The following DNAH11 variants were observed in gnomAD, a reference collection of about 807,000 sequenced individuals.
DNAH11 encodes the protein axonemal beta dynein heavy chain 11.
Under a neutral mutation model 526.0 loss-of-function variants are expected in DNAH11, and 442 were observed. The ratio of observed to expected loss-of-function variants is 0.84; its 90% confidence interval spans 0.78 to 0.91. The LOEUF is 0.91. Among genes scored for constraint, DNAH11 ranks in the 40% least tolerant of loss-of-function variants. DNAH11 has a pLI of 0.00. For synonymous variants in DNAH11, 2,461 were observed against 1,935.9 expected (o/e 1.27, Z -7.12); for missense variants, 6,989 against 5,448.7 (o/e 1.28, Z -8.90).
chr7:21,900,820 C>A (rs1424427636), intron 81 of DNAH11, 187 bp from the exon 82 acceptor site: 1 of 838,272 alleles, frequency 1.2e-6, no homozygotes, highest in South Asian at 2.7e-5. Context: ...CAAAGCGGTG[C>A]CTCCGCTGCA....
intron 44 of DNAH11, among the ~76,000 whole-genome samples, chr7:21,724,244 G>A (rs1396052814): frequency 2.0e-5 from 3 of 152,178 alleles, no homozygotes; most frequent in Non-Finnish European, 2.9e-5. Flanking sequence ...CTTTTGTAGG[G>A]TGAAGAAGTA....
At chr7:21,868,737 A>C (rs1038876118) in intron 72 of DNAH11, 127 bp from the exon 73 acceptor site, 60 of 1,219,872 alleles carry the variant, frequency 4.9e-5, no homozygotes, top group Non-Finnish European at 6.6e-5. Context: ...TTTCTTTGGG[A>C]TTCTTCAGGA....
At position 21,597,860 on chromosome 7, in the gene DNAH11, T is replaced by C. The variant is rs1784923026; in HGVS notation, c.2668-1927T>C. Reference sequence around the variant, plus strand: ...TAAGATCTATACTTTTCTCTTTTAGTGCCTACAAAGGGGCCAGGGCAGCTG... The same window carrying C: ...TAAGATCTATACTTTTCTCTTTTAGCGCCTACAAAGGGGCCAGGGCAGCTG... On this transcript the variant is annotated intron_variant, in intron 14 of 81. Coordinates refer to ENST00000409508, the MANE Select transcript of DNAH11 (RefSeq NM_001277115.2). Among the ~76,000 whole-genome samples, 13 of 152,324 alleles carry C rather than the reference T, an allele frequency of 8.5e-5. No homozygotes were observed. In the South Asian group the frequency reaches 2.7e-3, roughly 32 times the overall value.
rs1785086241 is a variant in DNAH11, at chr7:21,725,975, G to C, written c.7431G>C (p.Val2477=). Reference sequence around the variant, plus strand: ...CCCAGTTTACTATGGATCCAGATGTGCCTCTGCAGGTAGGTGTGTGGAACA... The same window carrying C: ...CCCAGTTTACTATGGATCCAGATGTCCCTCTGCAGGTAGGTGTGTGGAACA... The part of the protein sequence containing the change: ...KIAQFTMDPD[V]PLQTVLVHTT... The change falls in exon 45 of 82, where the codon GTG becomes GTC. Residue 2477 remains valine, a synonymous_variant. Coordinates refer to ENST00000409508, the MANE Select transcript of DNAH11 (RefSeq NM_001277115.2). The C allele has an allele frequency of 1.9e-6, 3 of 1,551,398 alleles. No homozygotes were observed. The highest frequency in any genetic ancestry group is 4.9e-5 in the East Asian group (2 of 41,068).
At chr7:21,829,608 A>G (rs902624628) in intron 65 of DNAH11, among the ~76,000 whole-genome samples, 3 of 152,216 alleles carry the variant, frequency 2.0e-5, no homozygotes, top group African/African-American at 7.2e-5. Context: ...GTGTTTGTTC[A>G]GGTACTCAGA....
At chr7:21,765,330 G>A (rs932498982) in intron 54 of DNAH11, 98 bp from the exon 55 acceptor site, 3 of 1,554,812 alleles carry the variant, frequency 1.9e-6, no homozygotes, top group African/African-American at 2.7e-5. Flanking sequence ...TAATGTCACA[G>A]TTGGCTGCAC....
chr7:21,853,089 T>C (rs1938949677), intron 67 of DNAH11, among the ~76,000 whole-genome samples: 1 of 152,244 alleles, frequency 6.6e-6, no homozygotes, highest in South Asian at 2.1e-4. Flanking sequence ...TCTCCTGCTG[T>C]ACTCAAATGC....
intron 65 of DNAH11, among the ~76,000 whole-genome samples, chr7:21,829,546 A>C (rs1156407010): frequency 6.6e-6 from 1 of 152,192 alleles, no homozygotes; most frequent in Non-Finnish European, 1.5e-5. Context: ...ATTCCAAATT[A>C]AATATGTTGC....
chr7:21,750,672 A>G (rs1583657735), intron 54 of DNAH11, among the ~76,000 whole-genome samples: 1 of 152,204 alleles, frequency 6.6e-6, no homozygotes, highest in Non-Finnish European at 1.5e-5. Flanking sequence ...GTATAAATAT[A>G]AACAGTGCTG....
chr7:21,664,321 T>C (rs1159432143), intron 30 of DNAH11, among the ~76,000 whole-genome samples: 1 of 152,132 alleles, frequency 6.6e-6, no homozygotes, highest in African/African-American at 2.4e-5. Flanking sequence ...TGTTCATTTT[T>C]AAAGGTTATC....
At chr7:21,605,383 C>CT in intron 18 of DNAH11, among the ~76,000 whole-genome samples, 1 of 152,294 alleles carries the variant, frequency 6.6e-6, no homozygotes, top group South Asian at 2.1e-4. Context: ...ACAAGGAATG[C>CT]TTTTCAACAG....
chr7:21,562,516 C>G (rs1286775949), intron 5 of DNAH11, among the ~76,000 whole-genome samples: 1 of 151,890 alleles, frequency 6.6e-6, no homozygotes, highest in African/African-American at 2.4e-5. Flanking sequence ...GGAATGAATC[C>G]CAGGGTTCCT....
chr7:21,620,532 A>G (rs900003326), intron 25 of DNAH11, among the ~76,000 whole-genome samples: 4 of 151,940 alleles, frequency 2.6e-5, no homozygotes, highest in Non-Finnish European at 4.4e-5. Flanking sequence ...AGGGTCATCC[A>G]TGTTGTTGCA....
Position 21,674,120 on chromosome 7 carries a change from C to T in DNAH11, c.5329-7426C>T, listed in dbSNP as rs1011212996. Among the ~76,000 whole-genome samples, 7 of 151,528 alleles carry T rather than the reference C, an allele frequency of 4.6e-5. No individual in the cohort carries two copies. The East Asian group carries it at 1.2e-3, about 25-fold the overall frequency. On this transcript the variant is annotated intron_variant, in intron 30 of 81. Transcript: ENST00000409508. ...TGTCGCCCAGGCTGGAATGCAGTGG[C>T]ACTATCTCGGCTCACTGCAACCTCT...
chr7:21,559,022 A>C, intron 3 of DNAH11, 24 bp downstream of exon 3: 1 of 1,543,636 alleles, frequency 6.5e-7, no homozygotes, highest in Non-Finnish European at 8.8e-7. Flanking sequence ...CAATATATAC[A>C]GGATATTAAA....
At chr7:21,573,217 C>T (rs1464877481) in intron 8 of DNAH11, among the ~76,000 whole-genome samples, 7 of 152,174 alleles carry the variant, frequency 4.6e-5, no homozygotes, top group African/African-American at 9.7e-5. Context: ...CCTGCATAGT[C>T]ACAAACATGT....
chr7:21,851,768 C>T (rs1296132043), intron 66 of DNAH11: 4 of 427,684 alleles, frequency 9.4e-6, no homozygotes, highest in Non-Finnish European at 1.9e-5. Flanking sequence ...TTTAGGATGG[C>T]AATTTGTCCT....
intron 58 of DNAH11, among the ~76,000 whole-genome samples, chr7:21,785,842 A>G (rs1205136321): frequency 2.0e-5 from 3 of 152,302 alleles, no homozygotes; most frequent in Non-Finnish European, 4.4e-5. Flanking sequence ...CTGATAAGGG[A>G]GCAGAATCAG....
intron 12 of DNAH11, among the ~76,000 whole-genome samples, chr7:21,590,009 TTAAA>T (rs1784617379): frequency 6.6e-6 from 1 of 152,144 alleles, no homozygotes; most frequent in African/African-American, 2.4e-5. Context: ...AAATATTAAG[TTAAA>T]TAATGTCCAG....
Sources: gnomAD v4.1 joint callset for allele counts (sites outside exome capture counted in the v4.1 genomes callset) on GRCh38, gnomAD v4.1.1 for gene constraint, MANE v1.5 for transcripts, NCBI Gene and HGNC (gene_info 2026-07-23, HGNC 2026-07-21) for gene names.